Variants in CSMD1 observed in about 807,000 individuals in gnomAD.
CSMD1 encodes CUB and Sushi multiple domains 1.
Under a neutral mutation model 417.5 loss-of-function variants are expected in CSMD1, and 213 were observed. That is an observed-to-expected ratio of 0.51 (90% CI 0.46 to 0.57). CSMD1 has a LOEUF of 0.57. Ranked by LOEUF, CSMD1 falls within the 20% of genes least tolerant of loss-of-function variation. CSMD1 has a pLI of 0.00. For missense variants in CSMD1, 6,923 were observed against 4,529.7 expected, an observed-to-expected ratio of 1.53 and a Z score of -15.17; for synonymous variants, 2,862 against 1,736.8, an observed-to-expected ratio of 1.65 and a Z score of -16.11.
At position 4,905,127 on chromosome 8, in the gene CSMD1, TA is replaced by T. The variant is rs140696802; in HGVS notation, c.85+89204del. ...TTTAGTGCTCTATATACTCAACTTT[TA>T]AATGTCATAAGGAATGAAATCCTGG... On this transcript the variant is annotated intron_variant, in intron 1 of 69. Coordinates refer to ENST00000635120, the MANE Select transcript of CSMD1 (RefSeq NM_033225.6). Among the ~76,000 whole-genome samples, 347 of 152,292 alleles carry T rather than the reference TA, an allele frequency of 2.3e-3. 10 individuals are homozygous for T. In the East Asian group the frequency reaches 0.03, roughly 13 times the overall value.
chr8:3,445,939 G>C (rs1413074121), intron 12 of CSMD1, among the ~76,000 whole-genome samples: 1 of 152,194 alleles, frequency 6.6e-6, no homozygotes, highest in Non-Finnish European at 1.5e-5. Context: ...CAGAGAGACA[G>C]AGAGGCAACG....
intron 5 of CSMD1, among the ~76,000 whole-genome samples, chr8:3,852,607 C>T (rs905966685): frequency 6.6e-6 from 1 of 152,040 alleles, no homozygotes; most frequent in East Asian, 1.9e-4. Context: ...TCTCAGCATT[C>T]ACAAAAGCAG....
chr8:3,480,192 T>A (rs1817657392), intron 11 of CSMD1, among the ~76,000 whole-genome samples: 2 of 151,786 alleles, frequency 1.3e-5, no homozygotes, highest in Non-Finnish European at 2.9e-5. Flanking sequence ...AACCCCATCT[T>A]TATTAAAATA....
chr8:4,049,569 C>G (rs531086133), intron 3 of CSMD1, among the ~76,000 whole-genome samples: 56 of 151,928 alleles, frequency 3.7e-4, no homozygotes, highest in Admixed American at 1.2e-3. Flanking sequence ...ATTTTTATAC[C>G]CAACTACTAC....
At chr8:3,812,012 TA>T (rs1801118479) in intron 5 of CSMD1, among the ~76,000 whole-genome samples, 2 of 151,066 alleles carry the variant, frequency 1.3e-5, no homozygotes, top group Non-Finnish European at 3.0e-5. Context: ...AACCATTTAC[TA>T]ATCTTCTTAT....
At chr8:4,083,681 A>T (rs1362205382) in intron 3 of CSMD1, among the ~76,000 whole-genome samples, 1 of 152,314 alleles carries the variant, frequency 6.6e-6, no homozygotes, top group Non-Finnish European at 1.5e-5. Context: ...ACCTTATACA[A>T]AAATCAATTC....
chr8:4,980,116 C>T (rs921208330), intron 1 of CSMD1, among the ~76,000 whole-genome samples: 1 of 152,172 alleles, frequency 6.6e-6, no homozygotes, highest in African/African-American at 2.4e-5. Context: ...AATAAATTAT[C>T]GTTACTTCCT....
At chr8:3,665,783 G>C (rs1235480581) in intron 7 of CSMD1, among the ~76,000 whole-genome samples, 2 of 152,184 alleles carry the variant, frequency 1.3e-5, no homozygotes, top group Non-Finnish European at 2.9e-5. Flanking sequence ...TTGAAGCTGA[G>C]GCTATTTCTT....
rs529337258 is a variant in CSMD1 at position 4,070,595 on chromosome 8, G to C, written c.416-38496C>G. Reference sequence around the variant, plus strand: ...GATGGTCTCGTTCTCCTGACCTCGTGATCCACCCACCTCGGCCTCCCAAAG... The same window carrying C: ...GATGGTCTCGTTCTCCTGACCTCGTCATCCACCCACCTCGGCCTCCCAAAG... On this transcript the variant is annotated intron_variant, in intron 3 of 69. Transcript: ENST00000635120. Among the ~76,000 whole-genome samples, 49 of 152,168 alleles carry C rather than the reference G, an allele frequency of 3.2e-4. 2 individuals carry two copies. Among genetic ancestry groups the C allele is most frequent in the African/African-American group, 1.1e-3 (47 of 41,518 alleles).
chr8:3,579,302 A>G (rs1800283742), intron 9 of CSMD1, among the ~76,000 whole-genome samples: 1 of 151,920 alleles, frequency 6.6e-6, no homozygotes, highest in African/African-American at 2.4e-5. Flanking sequence ...TTTGTTAAGT[A>G]TAAAATAGGT....
intron 12 of CSMD1, among the ~76,000 whole-genome samples, chr8:3,442,259 A>C: frequency 6.6e-6 from 1 of 152,256 alleles, no homozygotes; most frequent in Non-Finnish European, 1.5e-5. Flanking sequence ...TTATTGAAGA[A>C]ATAAATTTTA....
intron 3 of CSMD1, among the ~76,000 whole-genome samples, chr8:4,096,006 T>C (rs759288596): frequency 2.6e-5 from 4 of 152,082 alleles, no homozygotes; most frequent in Non-Finnish European, 4.4e-5. Context: ...GTCAGAAACA[T>C]AGGAAAGGAT....
chr8:4,181,296 C>G (rs1300952360), intron 3 of CSMD1, among the ~76,000 whole-genome samples: 1 of 152,032 alleles, frequency 6.6e-6, no homozygotes, highest in African/African-American at 2.4e-5. Context: ...TATTGTAAAA[C>G]AATAATGATT....
chr8:3,792,772 G>A (rs1252102047), intron 5 of CSMD1, among the ~76,000 whole-genome samples: 1 of 152,130 alleles, frequency 6.6e-6, no homozygotes, highest in Admixed American at 6.5e-5. Context: ...GCCTTTTCAT[G>A]CTCTCTCTCA....
At chr8:2,951,478 A>G (rs1040386145) in intron 65 of CSMD1, among the ~76,000 whole-genome samples, 5 of 152,224 alleles carry the variant, frequency 3.3e-5, no homozygotes, top group African/African-American at 1.2e-4. Flanking sequence ...TATGGTATGC[A>G]AGTAGACACT....
chr8:4,145,214 T>C (rs1200483203), intron 3 of CSMD1, among the ~76,000 whole-genome samples: 4 of 151,074 alleles, frequency 2.6e-5, no homozygotes, highest in East Asian at 3.9e-4. Context: ...TGAGTACAGA[T>C]CCTCTTTTCC....
At chr8:4,515,891 A>G (rs141945656) in intron 2 of CSMD1, among the ~76,000 whole-genome samples, 2 of 152,160 alleles carry the variant, frequency 1.3e-5, no homozygotes, top group African/African-American at 4.8e-5. Flanking sequence ...TACACATCCA[A>G]TTATTTTAAA....
chr8:4,097,996 G>A (rs769781716), intron 3 of CSMD1, among the ~76,000 whole-genome samples: 1 of 152,094 alleles, frequency 6.6e-6, no homozygotes, highest in Non-Finnish European at 1.5e-5. Flanking sequence ...AGATGGAAAT[G>A]AACTCTGTCA....
chr8:3,613,233 TA>T, intron 8 of CSMD1: 1 of 411,798 alleles, frequency 2.4e-6, no homozygotes, highest in Non-Finnish European at 4.8e-6. Flanking sequence ...ATCATCTACA[TA>T]AGCCTGTAAG....
Sources: allele counts gnomAD v4.1 joint callset (sites outside exome capture counted in the v4.1 genomes callset), GRCh38; gene constraint gnomAD v4.1.1; transcripts MANE v1.5; gene names NCBI Gene and HGNC (gene_info 2026-07-23, HGNC 2026-07-21).